Variants in TRPM3 observed in about 807,000 individuals in gnomAD.
TRPM3 encodes the protein long transient receptor potential channel 3.
A neutral mutation model predicts 181.2 loss-of-function variants in TRPM3; 77 were observed. That is an observed-to-expected ratio of 0.42 (90% confidence interval 0.35 to 0.51). The LOEUF (loss-of-function observed/expected upper bound fraction) is 0.51, where lower values mean the gene tolerates loss of function less well. TRPM3 is among the 20% of genes least tolerant of loss of function. The probability of loss-of-function intolerance (pLI) is 0.01; values close to 1 mark genes in which losing one functional copy is unlikely to be tolerated. For missense variants in TRPM3, 1,759 were observed against 2,196.7 expected (o/e 0.80, Z 3.98); for synonymous variants, 745 against 796.4 (o/e 0.94, Z 1.09).
At chr9:70,971,437 T>C (rs1422718451) in intron 1 of TRPM3, among the ~76,000 whole-genome samples, 1 of 152,088 alleles carries the variant, frequency 6.6e-6, no homozygotes, top group Non-Finnish European at 1.5e-5. Context: ...GGCTCTCTAT[T>C]CACCGCTAGG....
chr9:71,305,174 G>T (rs537227331), intron 1 of TRPM3, among the ~76,000 whole-genome samples: 32 of 152,250 alleles, frequency 2.1e-4, no homozygotes, highest in African/African-American at 7.7e-4. Flanking sequence ...GAAAGGCATG[G>T]ACATTTAGTG....
chr9:70,958,440 C>T (rs2097102142), intron 1 of TRPM3, among the ~76,000 whole-genome samples: 2 of 152,122 alleles, frequency 1.3e-5, no homozygotes, highest in Non-Finnish European at 1.5e-5. Flanking sequence ...TCTCCAGCAC[C>T]TGTTGTTTCC....
intron 1 of TRPM3, among the ~76,000 whole-genome samples, chr9:71,428,030 A>C (rs1284997547): frequency 1.3e-5 from 2 of 152,162 alleles, no homozygotes; most frequent in Non-Finnish European, 2.9e-5. Context: ...TGCTACAGAG[A>C]TAGAAAGTTC....
At chr9:71,074,625 A>T (rs1389711198) in intron 1 of TRPM3, among the ~76,000 whole-genome samples, 1 of 152,188 alleles carries the variant, frequency 6.6e-6, no homozygotes, top group Non-Finnish European at 1.5e-5. Context: ...AATAATGATG[A>T]TAGAAGTTTC....
chr9:70,770,909 C>A (rs1288096005), intron 7 of TRPM3, among the ~76,000 whole-genome samples: 1 of 152,126 alleles, frequency 6.6e-6, no homozygotes, highest in South Asian at 2.1e-4. Context: ...CTGGAGGAGT[C>A]CATCCCTATG....
intron 1 of TRPM3, among the ~76,000 whole-genome samples, chr9:71,214,588 T>G (rs985759246): frequency 6.6e-6 from 1 of 152,110 alleles, no homozygotes; most frequent in Non-Finnish European, 1.5e-5. Flanking sequence ...TTTTCAAATT[T>G]TATCATATTC....
chr9:71,076,566 C>T (rs2063489559), intron 1 of TRPM3, among the ~76,000 whole-genome samples: 1 of 152,156 alleles, frequency 6.6e-6, no homozygotes, highest in Non-Finnish European at 1.5e-5. Context: ...GAACAACACC[C>T]TCCCTCTTCC....
At chr9:70,756,195 A>G (rs1289864404) in intron 8 of TRPM3, among the ~76,000 whole-genome samples, 1 of 152,200 alleles carries the variant, frequency 6.6e-6, no homozygotes, top group Non-Finnish European at 1.5e-5. Context: ...TTATAATCCT[A>G]ATCTCTGATA....
intron 19 of TRPM3, among the ~76,000 whole-genome samples, chr9:70,608,179 C>G (rs1028973727): frequency 3.3e-5 from 5 of 152,208 alleles, no homozygotes; most frequent in Non-Finnish European, 7.3e-5. Flanking sequence ...TCTTCCACCA[C>G]GTGGCCCTGC....
chr9:71,031,098 C>T (rs536775760), intron 1 of TRPM3, among the ~76,000 whole-genome samples: 2 of 152,246 alleles, frequency 1.3e-5, no homozygotes, highest in East Asian at 1.9e-4. Context: ...CATGGTCTCA[C>T]TAAATGTCTG....
At chr9:70,912,902 A>G (rs1322348874) in intron 1 of TRPM3, among the ~76,000 whole-genome samples, 2 of 152,222 alleles carry the variant, frequency 1.3e-5, no homozygotes, top group African/African-American at 4.8e-5. Context: ...TAACATGCAT[A>G]TATAAACATG....
At chr9:70,779,798 TA>T (rs2082118771) in intron 7 of TRPM3, among the ~76,000 whole-genome samples, 1 of 152,164 alleles carries the variant, frequency 6.6e-6, no homozygotes, top group Non-Finnish European at 1.5e-5. Context: ...GCAACAAAAT[TA>T]ATTACGGAAA....
chr9:70,769,760 T>A (rs2079861975), intron 7 of TRPM3, among the ~76,000 whole-genome samples: 1 of 131,454 alleles, frequency 7.6e-6, no homozygotes. Flanking sequence ...TATTTGTTTG[T>A]CTTACTCTAG....
intron 1 of TRPM3, among the ~76,000 whole-genome samples, chr9:71,209,378 A>AT (rs3040592): frequency 0.56 from 54,173 of 96,632 alleles, 12,031 homozygotes; most frequent in South Asian, 0.63. Context: ...GGGGGAGAAG[A>AT]GGGGGTAGGG....
chr9:71,210,084 C>T (rs776702177), intron 1 of TRPM3, among the ~76,000 whole-genome samples: 54 of 152,324 alleles, frequency 3.5e-4, no homozygotes, highest in Non-Finnish European at 6.3e-4. Context: ...AGGAGCTTCA[C>T]CCGTATTTAC....
rs749023405 is a variant in TRPM3 at position 70,618,915 on chromosome 9, G to A, written c.2310C>T (p.Thr770=). The stretch of plus-strand genomic sequence containing the variant: ...TGCGGAGCCGGCCCATCCACATGTC[G>A]GTGAGCAGCATCTGGCTGCACGTGT... ...IAHTCSQMLL[T]DMWMGRLRMR... is the part of the protein sequence containing the mutation. Residue 770 remains threonine, a synonymous_variant, in exon 17 of 26, where the codon ACC becomes ACT. Transcript: ENST00000677713. 5.0e-5 allele frequency: 81 copies of A among 1,611,898 alleles called. No homozygotes were observed. Among genetic ancestry groups the A allele is most frequent in the Admixed American group, 3.7e-4 (22 of 60,020 alleles).
intron 6 of TRPM3, among the ~76,000 whole-genome samples, chr9:70,805,351 C>A (rs569076671): frequency 6.6e-6 from 1 of 151,744 alleles, no homozygotes; most frequent in Admixed American, 6.6e-5. Context: ...CTGGCTAACA[C>A]GGTGAGACCC....
At chr9:71,387,962 C>T (rs1460520297) in intron 1 of TRPM3, among the ~76,000 whole-genome samples, 5 of 152,158 alleles carry the variant, frequency 3.3e-5, no homozygotes. Context: ...CTACATTCTC[C>T]AATAACTCCT....
intron 1 of TRPM3, among the ~76,000 whole-genome samples, chr9:71,175,304 T>C (rs1349595079): frequency 2.0e-5 from 3 of 152,148 alleles, no homozygotes; most frequent in African/African-American, 7.2e-5. Flanking sequence ...TAGGCTACGA[T>C]AGGCCTAATT....
Sources: gnomAD v4.1 joint callset for allele counts (sites outside exome capture counted in the v4.1 genomes callset) on GRCh38, gnomAD v4.1.1 for gene constraint, MANE v1.5 for transcripts, NCBI Gene and HGNC (gene_info 2026-07-23, HGNC 2026-07-21) for gene names.